Variants in ITGB4 observed in about 807,000 individuals in gnomAD.
The protein encoded by ITGB4 is integrin beta-4.
Under a neutral mutation model 207.6 loss-of-function variants are expected in ITGB4, and 159 were observed. The ratio of observed to expected loss-of-function variants is 0.77; its 90% CI spans 0.67 to 0.87. ITGB4 has a LOEUF of 0.87. Among genes scored for constraint, ITGB4 ranks in the 40% least tolerant of loss-of-function variants. ITGB4 has a pLI of 0.00. For missense variants in ITGB4, 2,278 were observed against 2,546.8 expected (o/e 0.89, Z 2.27); for synonymous variants, 1,020 against 1,062.7 (o/e 0.96, Z 0.78).
Position 75,742,420 on chromosome 17 carries a change from C to T in ITGB4, c.2713C>T (p.Gln905Ter). 1.2e-6 allele frequency: 2 copies of T among 1,613,298 alleles called. No homozygotes were observed. The highest frequency in any genetic ancestry group is 2.2e-5 in the East Asian group (1 of 44,870). The change falls in exon 24 of 40, where the codon CAG becomes TAG. Residue 905 changes from glutamine (Q) to a stop codon, truncating the protein, a stop_gained. Transcript: ENST00000200181. LOFTEE classifies it high-confidence loss of function. The surrounding 1 kb of genome is among the most constrained non-coding windows in gnomAD (Gnocchi z 5.9). ...KPALLKLTEK[Q>*]VEQRAFHDLK... ...GGCCCTGCTGAAGCTTACAGAGAAG[C>T]AGGTGGAACAGAGGGCCTTCCACGA...
rs1414783333 is a variant in ITGB4 at position 75,728,465 on chromosome 17, G to A, written c.558G>A (p.Arg186=). 1.3e-5 allele frequency: 21 copies of A among 1,613,672 alleles called. No individual in the cohort carries two copies. The highest frequency in any genetic ancestry group is 1.7e-5 in the Non-Finnish European group (20 of 1,179,690). ...DKVSVPQTDM[R]PEKLKEPWPN... Reference sequence around the variant, plus strand: ...TCAGCGTCCCGCAGACGGACATGAGGCCTGAGAAGTAAGTGACTGTGTGGG... The same window carrying A: ...TCAGCGTCCCGCAGACGGACATGAGACCTGAGAAGTAAGTGACTGTGTGGG... Residue 186 remains arginine, a synonymous_variant, in exon 6 of 40, where the codon AGG becomes AGA. Transcript: ENST00000200181.
chr17:75,727,502 A>G lies in ITGB4; in HGVS notation c.261A>G (p.Thr87=). The part of the protein sequence containing the change: ...IVVMESSFQI[T]EETQIDTTLR... ...TCATGGAGAGCAGCTTCCAAATCAC[A>G]GAGGTGCCTGGTGTGGGGACTGGGG... The change falls in exon 4 of 40, where the codon ACA becomes ACG. Residue 87 remains threonine (T), a synonymous_variant. Transcript: ENST00000200181. This position sits in a 1 kb window ranked among gnomAD's most constrained non-coding sequence, Gnocchi z 6.0. 6.2e-7 allele frequency: 1 copy of G among 1,613,662 alleles called. No individual in the cohort carries two copies. Among genetic ancestry groups the G allele is most frequent in the Non-Finnish European group, 8.5e-7 (1 of 1,179,934 alleles).
intron 2 of ITGB4, among the ~76,000 whole-genome samples, chr17:75,726,245 GGAATATGA>G (rs1365987301): frequency 2.0e-5 from 3 of 152,296 alleles, no homozygotes; most frequent in African/African-American, 7.2e-5. Context: ...CCTGAACCCA[GGAATATGA>G]GACCATCCTG....
rs775888876 is a variant in ITGB4 at position 75,733,587 on chromosome 17, T to G, written c.1552T>G (p.Cys518Gly). Residue 518 changes from cysteine (C) to glycine (G), a missense_variant, in exon 13 of 40, where the codon TGC becomes GGC. Physicochemically the swap from Cys to Gly is radical, Grantham distance 159. Transcript: ENST00000200181. Reference protein sequence around the residue: ...EDKPCSGRGECQCGHCVCYGE... With the variant: ...EDKPCSGRGEGQCGHCVCYGE... ...CAAGCCGTGCTCCGGCCGTGGGGAG[T>G]GCCAGTGCGGGCACTGTGTGTGCTA... 61 of 1,613,884 alleles carry G rather than the reference T, an allele frequency of 3.8e-5. No homozygotes were observed. Among genetic ancestry groups the G allele is most frequent in the Non-Finnish European group, 4.9e-5 (58 of 1,180,022 alleles).
rs1306378435 is a variant in ITGB4, at chr17:75,740,663, C to A, written c.2551-130C>A. On this transcript the variant is annotated intron_variant, in intron 21 of 39. Transcript: ENST00000200181. The surrounding 1 kb of genome is among the most constrained non-coding windows in gnomAD (Gnocchi z 5.9). ...AGAGCCTGGGCCCAGGATGCTGCCC[C>A]ACGGGGCATGCCCCAGCCAACCCTG... 4 of 1,134,070 alleles carry A rather than the reference C, an allele frequency of 3.5e-6. No individual in the cohort carries two copies. Among genetic ancestry groups the A allele is most frequent in the South Asian group, 2.5e-5 (2 of 79,162 alleles). 70.3% of individuals were successfully genotyped at this position (1,134,070 alleles called of 1,614,324 possible).
At chr17:75,753,273 T>C (rs569770790) in intron 32 of ITGB4, among the ~76,000 whole-genome samples, 24 of 152,134 alleles carry the variant, frequency 1.6e-4, no homozygotes, top group Admixed American at 1.3e-3. Flanking sequence ...TAAGGAGCCA[T>C]TTTGAGGGGT....
In ITGB4 at chr17:75,730,220, GC is replaced by G; in HGVS notation, c.739-17del. 4 of 1,611,756 alleles carry G rather than the reference GC, an allele frequency of 2.5e-6. No homozygotes were observed. The highest frequency in any genetic ancestry group is 2.5e-6 in the Non-Finnish European group (3 of 1,179,846). On this transcript the variant is annotated intron_variant, in intron 7 of 39. Coordinates refer to ENST00000200181, the MANE Select transcript of ITGB4 (RefSeq NM_000213.5). Reference sequence around the variant, plus strand: ...AGCAGGCAGCCTGCTCAGTGGGCACGCCCCGCCTTGCCTTCCCCAGAGGGAC... The same window carrying G: ...AGCAGGCAGCCTGCTCAGTGGGCACGCCCGCCTTGCCTTCCCCAGAGGGAC...
intron 18 of ITGB4, among the ~76,000 whole-genome samples, chr17:75,738,656 C>T (rs962047251): frequency 1.6e-4 from 24 of 152,302 alleles, no homozygotes; most frequent in African/African-American, 5.5e-4. Context: ...AAGAAAGGGC[C>T]CTGCCCGCCC....
In ITGB4 at chr17:75,730,339, C is replaced by T. The variant is rs779512278; in HGVS notation, c.837C>T (p.Gly279=). 1.2e-6 allele frequency: 2 copies of T among 1,613,748 alleles called. No homozygotes were observed. Among genetic ancestry groups the T allele is most frequent in the Non-Finnish European group, 8.5e-7 (1 of 1,180,034 alleles). The change falls in exon 8 of 40, where the codon GGC becomes GGT. Residue 279 remains glycine, a synonymous_variant. Transcript: ENST00000200181. The part of the protein sequence containing the change: ...YEADGANVLA[G]IMSRNDERCH... ...CTGATGGCGCCAACGTGCTGGCTGG[C>T]ATCATGAGCCGCAACGATGAACGGT...
intron 32 of ITGB4, among the ~76,000 whole-genome samples, chr17:75,752,919 C>T (rs1483032027): frequency 1.3e-5 from 2 of 152,164 alleles, no homozygotes; most frequent in Non-Finnish European, 2.9e-5. Context: ...GGGCAGCCAC[C>T]AGGCGGCCAC....
In ITGB4 at chr17:75,740,748, C is replaced by A. The variant is rs773304165; in HGVS notation, c.2551-45C>A. On this transcript the variant is annotated intron_variant, in intron 21 of 39. Transcript: ENST00000200181. This position sits in a 1 kb window ranked among gnomAD's most constrained non-coding sequence, Gnocchi z 5.9. ...GGGTCCCCAGCCTGAGGGCTTGCCA[C>A]GGGGTGGCCTAGGCCCAGCCTCACG... 13 of 1,604,766 alleles carry A rather than the reference C, an allele frequency of 8.1e-6. No individual in the cohort carries two copies. The African/African-American group carries it at 1.7e-4, about 21-fold the overall frequency.
At chr17:75,749,092 T>C (rs762483559) in intron 27 of ITGB4, 47 bp downstream of exon 27, 2 of 1,495,228 alleles carry the variant, frequency 1.3e-6, no homozygotes, top group Non-Finnish European at 1.8e-6. Context: ...GAGGGAAGAC[T>C]GGGGGGTCTC....
intron 7 of ITGB4, 59 bp from the exon 8 acceptor site, chr17:75,730,182 C>A: frequency 6.2e-7 from 1 of 1,607,184 alleles, no homozygotes; most frequent in South Asian, 1.1e-5. Context: ...TACACGACGC[C>A]GTGATGCGTG....
intron 34 of ITGB4, 130 bp from the exon 35 acceptor site, chr17:75,755,571 G>A: frequency 8.5e-7 from 1 of 1,170,832 alleles, no homozygotes; most frequent in Non-Finnish European, 1.2e-6. Flanking sequence ...GTTGCAGGGT[G>A]AGTGAGTTGT....
At chr17:75,734,794 G>C (rs1410421616) in intron 13 of ITGB4, among the ~76,000 whole-genome samples, 1 of 152,230 alleles carries the variant, frequency 6.6e-6, no homozygotes, top group Non-Finnish European at 1.5e-5. Flanking sequence ...GAGAAAGGCA[G>C]ACAAGTGGCA....
At position 75,740,541 on chromosome 17, in the gene ITGB4, C is replaced by A. The variant is rs376776944; in HGVS notation, c.2550+80C>A. Reference sequence around the variant, plus strand: ...GTGGGCAGGGCAGAGCGAATGCGGTCGTGGTACCGAGATTCATTAACTAGG... The same window carrying A: ...GTGGGCAGGGCAGAGCGAATGCGGTAGTGGTACCGAGATTCATTAACTAGG... On this transcript the variant is annotated intron_variant, in intron 21 of 39. Coordinates refer to ENST00000200181, the MANE Select transcript of ITGB4 (RefSeq NM_000213.5). This position sits in a 1 kb window ranked among gnomAD's most constrained non-coding sequence, Gnocchi z 5.9. 1 of 1,225,830 alleles carries A rather than the reference C, an allele frequency of 8.2e-7. No individual in the cohort carries two copies. The highest frequency in any genetic ancestry group is 1.2e-6 in the Non-Finnish European group (1 of 838,376). The allele number at this position is 1,225,830 out of a possible 1,614,324, so 75.9% of individuals were successfully genotyped here.
chr17:75,744,933 T>G (rs1169855143), intron 26 of ITGB4, among the ~76,000 whole-genome samples: 1 of 151,986 alleles, frequency 6.6e-6, no homozygotes, highest in East Asian at 2.0e-4. Flanking sequence ...CCGGCCTAGT[T>G]TTTGTATTTT....
In ITGB4 at chr17:75,750,135, G is replaced by A; in HGVS notation, c.3341G>A (p.Ser1114Asn). ...DPDELDRSFT[S>N]QMLSSQPPPH... Reference sequence around the variant, plus strand: ...GATGAACTGGACCGGAGCTTCACGAGTCAGATGTTGTCATCACAGCCACCC... The same window carrying A: ...GATGAACTGGACCGGAGCTTCACGAATCAGATGTTGTCATCACAGCCACCC... Residue 1114 changes from serine to asparagine, a missense_variant, in exon 28 of 40, where the codon AGT (serine) becomes AAT (asparagine). By Grantham distance (46) the Ser-to-Asn change is conservative. Transcript: ENST00000200181. The surrounding 1 kb of genome is among the most constrained non-coding windows in gnomAD (Gnocchi z 5.5). 2 of 1,613,748 alleles carry A rather than the reference G, an allele frequency of 1.2e-6. No individual in the cohort carries two copies. Among genetic ancestry groups the A allele is most frequent in the Non-Finnish European group, 1.7e-6 (2 of 1,180,026 alleles).
Position 75,753,948 on chromosome 17 carries a change from G to A in ITGB4, c.4292G>A (p.Arg1431His). The change falls in exon 33 of 40, where the codon CGC becomes CAC. Residue 1431 changes from arginine (R) to histidine (H), a missense_variant. By Grantham distance (29) the Arg-to-His change is conservative. Coordinates refer to ENST00000200181, the MANE Select transcript of ITGB4 (RefSeq NM_000213.5). ...GAGGKGGSLP[R>H]SATPGPPGEH... Reference sequence around the variant, plus strand: ...GGCGGGAAGGGCGGCAGCCTGCCCCGCAGTGCGACACCCGGGCCCCCCGGA... The same window carrying A: ...GGCGGGAAGGGCGGCAGCCTGCCCCACAGTGCGACACCCGGGCCCCCCGGA... The A allele has an allele frequency of 3.1e-6, 4 of 1,272,188 alleles. No homozygotes were observed. Among genetic ancestry groups the A allele is most frequent in the East Asian group, 6.4e-5 (2 of 31,212 alleles). 78.8% of individuals were successfully genotyped at this position (1,272,188 alleles called of 1,614,324 possible).
Sources: allele counts gnomAD v4.1 joint callset (sites outside exome capture counted in the v4.1 genomes callset), GRCh38; gene constraint gnomAD v4.1.1; non-coding constraint Gnocchi (gnomAD v3.1); transcripts MANE v1.5; gene names NCBI Gene and HGNC (gene_info 2026-07-23, HGNC 2026-07-21).